PDHX: variants seen among roughly 807,000 people sequenced by gnomAD.
The protein encoded by PDHX is pyruvate dehydrogenase protein X component, mitochondrial.
A neutral mutation model predicts 55.3 loss-of-function variants in PDHX; 33 were observed. That is an observed-to-expected ratio of 0.60 (90% CI 0.45 to 0.80). The LOEUF (loss-of-function observed/expected upper bound fraction) is 0.80. Among genes scored for constraint, PDHX ranks in the 30% least tolerant of loss-of-function variants. The pLI is 0.00. For missense variants in PDHX, 622 were observed against 619.9 expected (o/e 1.00, Z -0.04); for synonymous variants, 226 against 219.4 (o/e 1.03, Z -0.27).
chr11:34,916,459 T>C (rs968049518), upstream of PDHX: 12 of 1,461,910 alleles, frequency 8.2e-6, no homozygotes, highest in Non-Finnish European at 9.9e-6. Flanking sequence ...GGCTGAGATA[T>C]CCAGCGGCGC....
chr11:34,985,913 A>G (rs1201236335), intron 9 of PDHX, among the ~76,000 whole-genome samples: 1 of 152,228 alleles, frequency 6.6e-6, no homozygotes, highest in African/African-American at 2.4e-5. Context: ...AGATATAATT[A>G]AAGGTGAACC....
intron 2 of PDHX, among the ~76,000 whole-genome samples, chr11:34,936,711 AG>A (rs1854320526): frequency 6.6e-6 from 1 of 151,244 alleles, no homozygotes; most frequent in Non-Finnish European, 1.5e-5. Flanking sequence ...TCAGTCTGTG[AG>A]GGTCCTTATC....
Position 34,981,003 on chromosome 11 carries a change from T to A in PDHX, c.1023+2821T>A, listed in dbSNP as rs114554455. On this transcript the variant is annotated intron_variant, in intron 8 of 10. Coordinates refer to ENST00000227868, the MANE Select transcript of PDHX (RefSeq NM_003477.3). ...TTCATCATTTGATGAAATCTTTTTT[T>A]TTATTATTATTATACTTTAAGTTTT... Among the ~76,000 whole-genome samples, 1,477 of 152,202 alleles carry A rather than the reference T, an allele frequency of 9.7e-3. 21 individuals are homozygous for A. The highest frequency in any genetic ancestry group is 0.034 in the African/African-American group (1,400 of 41,524).
chr11:34,995,286 A>G lies in PDHX; in HGVS notation c.*114A>G, dbSNP rs76663700. On this transcript the variant is annotated 3_prime_UTR_variant, in exon 11 of 11. Coordinates refer to ENST00000227868, the MANE Select transcript of PDHX (RefSeq NM_003477.3). ...TAAGTATGAAGTGGATGAAATGTTT[A>G]TTTATTTAAGGTGAAAGCATTTGAC... 14,019 of 1,198,552 alleles carry G rather than the reference A, an allele frequency of 0.012. 112 individuals carry two copies. The highest frequency in any genetic ancestry group is 0.015 in the Non-Finnish European group (12,180 of 811,470). 74.2% of individuals were successfully genotyped at this position (1,198,552 alleles called of 1,614,324 possible).
intron 3 of PDHX, among the ~76,000 whole-genome samples, chr11:34,954,430 G>A (rs1854857543): frequency 6.6e-6 from 1 of 152,226 alleles, no homozygotes; most frequent in African/African-American, 2.4e-5. Context: ...TGGTTAAGAT[G>A]TGAGAATGTC....
chr11:34,917,622 G>A lies in PDHX; in HGVS notation c.160+807G>A, dbSNP rs984056705. Reference sequence around the variant, plus strand: ...CAATCATCGTTCCTGGCACTCTACAGAATGAATTTTAATTTAAATAGGTCT... The same window carrying A: ...CAATCATCGTTCCTGGCACTCTACAAAATGAATTTTAATTTAAATAGGTCT... On this transcript the variant is annotated intron_variant, in intron 1 of 10. Transcript: ENST00000227868. Among the ~76,000 whole-genome samples the A allele has an allele frequency of 6.6e-5, 10 of 152,118 alleles. No individual in the cohort carries two copies. In the East Asian group the frequency reaches 1.9e-3, roughly 29 times the overall value.
At chr11:34,992,477 A>G in intron 10 of PDHX, 98 bp downstream of exon 10, 1 of 698,844 alleles carries the variant, frequency 1.4e-6, no homozygotes, top group Non-Finnish European at 2.5e-6. Context: ...ATATTTTTTA[A>G]AATTTAAGCT....
chr11:34,984,535 CT>C (rs35384167), intron 8 of PDHX, 34 bp from the exon 9 acceptor site: 1 of 1,606,726 alleles, frequency 6.2e-7, no homozygotes, highest in Non-Finnish European at 8.5e-7. Context: ...TCTAAAGCTG[CT>C]TTTTTAGTAA....
In PDHX at chr11:34,966,792, C is replaced by G. The variant is rs183059121; in HGVS notation, c.794C>G (p.Thr265Ser). 9.7e-5 allele frequency: 157 copies of G among 1,613,978 alleles called. No homozygotes were observed. The highest frequency in any genetic ancestry group is 1.3e-4 in the Non-Finnish European group (148 of 1,179,864). The change falls in exon 6 of 11, where the codon ACT becomes AGT. Residue 265 changes from threonine to serine, a missense_variant. Thr to Ser is a moderately conservative substitution (Grantham distance 58). Transcript: ENST00000227868. ...CGGCCTGTGATCCCACCAGTATCAA[C>G]TCCTGGACAACCCAATGCAGTGGTA... Reference protein sequence around the residue: ...YPRPVIPPVSTPGQPNAVGTF... With the variant: ...YPRPVIPPVSSPGQPNAVGTF...
chr11:34,948,151 G>C (rs1854668428), intron 3 of PDHX, among the ~76,000 whole-genome samples: 1 of 152,148 alleles, frequency 6.6e-6, no homozygotes, highest in Non-Finnish European at 1.5e-5. Context: ...TACTTCATAG[G>C]ACAGTAGGGA....
chr11:34,920,747 T>C (rs1173138437), intron 1 of PDHX, among the ~76,000 whole-genome samples: 2 of 152,228 alleles, frequency 1.3e-5, no homozygotes, highest in Non-Finnish European at 2.9e-5. Context: ...AGTTGTCATT[T>C]TTTTTTCTTG....
At chr11:34,941,807 G>C (rs1854491994) in intron 2 of PDHX, 1 of 154,506 alleles carries the variant, frequency 6.5e-6, no homozygotes, top group Non-Finnish European at 1.5e-5. Context: ...TCTGGCAGCT[G>C]CCCATCGGAC....
intron 3 of PDHX, among the ~76,000 whole-genome samples, chr11:34,952,709 C>T (rs1330497675): frequency 6.6e-6 from 1 of 151,038 alleles, no homozygotes; most frequent in Non-Finnish European, 1.5e-5. Flanking sequence ...TAAGAGCTAT[C>T]TATGACAAAC....
chr11:34,952,339 A>T (rs1384388492), intron 3 of PDHX, among the ~76,000 whole-genome samples: 1 of 152,194 alleles, frequency 6.6e-6, no homozygotes, highest in Non-Finnish European at 1.5e-5. Context: ...AACTCATTTT[A>T]TGAGGCCAGC....
At chr11:34,916,089 G>A (rs1332928147), upstream of PDHX, 8 of 1,130,140 alleles carry the variant, frequency 7.1e-6, no homozygotes, top group African/African-American at 8.1e-5. Context: ...GCGGTGCGCC[G>A]GGGTAGCGAA....
At chr11:34,941,830 C>T (rs941851716) in intron 2 of PDHX, 19 of 154,572 alleles carry the variant, frequency 1.2e-4, no homozygotes, top group Middle Eastern at 1.0e-3. Context: ...AGGAACAGGA[C>T]GATGATGCTG....
At chr11:34,950,710 AT>A (rs1238341428) in intron 3 of PDHX, among the ~76,000 whole-genome samples, 1 of 150,488 alleles carries the variant, frequency 6.6e-6, no homozygotes, top group Non-Finnish European at 1.5e-5. Context: ...TGAACTCATC[AT>A]TTTTTATGGC....
chr11:34,949,963 A>G (rs1565157023), intron 3 of PDHX, among the ~76,000 whole-genome samples: 1 of 152,190 alleles, frequency 6.6e-6, no homozygotes, highest in African/African-American at 2.4e-5. Flanking sequence ...TTTTAAAAAA[A>G]TGGTTTTTTA....
chr11:34,955,632 G>C (rs1854888987), intron 3 of PDHX, among the ~76,000 whole-genome samples: 1 of 152,118 alleles, frequency 6.6e-6, no homozygotes, highest in African/African-American at 2.4e-5. Flanking sequence ...AAATTGAAAT[G>C]ATGATAAATG....
Sources: gnomAD v4.1 joint callset for allele counts (sites outside exome capture counted in the v4.1 genomes callset) on GRCh38, gnomAD v4.1.1 for gene constraint, MANE v1.5 for transcripts, NCBI Gene and HGNC (gene_info 2026-07-23, HGNC 2026-07-21) for gene names.